The following CTNNA2 variants were observed in gnomAD, a reference collection of about 807,000 sequenced individuals.
CTNNA2 encodes the protein catenin alpha-2.
Under a neutral mutation model 101.0 loss-of-function variants are expected in CTNNA2, and 42 were observed. The ratio of observed to expected loss-of-function variants is 0.42; its 90% confidence interval spans 0.32 to 0.54. CTNNA2 has a LOEUF of 0.54. Ranked by LOEUF, CTNNA2 falls within the 20% of genes least tolerant of loss-of-function variation. The pLI is 0.14. For synonymous variants in CTNNA2, 450 were observed against 456.4 expected (o/e 0.99, Z 0.18); for missense variants, 871 against 1,223.1 (o/e 0.71, Z 4.29).
At chr2:79,605,849 A>T (rs1247682730) in intron 1 of CTNNA2, among the ~76,000 whole-genome samples, 1 of 152,106 alleles carries the variant, frequency 6.6e-6, no homozygotes, top group African/African-American at 2.4e-5. Context: ...GGATAGTTGG[A>T]TCCCATGAGT....
At chr2:79,512,078 G>C (rs911157584), upstream of CTNNA2, among the ~76,000 whole-genome samples, 2 of 152,146 alleles carry the variant, frequency 1.3e-5, no homozygotes, top group Non-Finnish European at 2.9e-5. Flanking sequence ...ATGTAGCTGT[G>C]TACCTTTTTC....
rs573994993 is a variant in CTNNA2 at position 79,346,900 on chromosome 2, G to A, written c.-317-26931G>A. On this transcript the variant is annotated intron_variant, in intron 3 of 21. Coordinates refer to the CTNNA2 transcript ENST00000466387. Reference sequence around the variant, plus strand: ...AAGATGCTTATTTTCATAATGTTTTGCATCTCTCTAGAAAGTTTCTTCAGG... The same window carrying A: ...AAGATGCTTATTTTCATAATGTTTTACATCTCTCTAGAAAGTTTCTTCAGG... Among the ~76,000 whole-genome samples, 226 of 152,220 alleles carry A rather than the reference G, an allele frequency of 1.5e-3. 1 individual carries two copies. In the South Asian group the frequency reaches 0.02, roughly 13 times the overall value.
chr2:79,637,336 C>G (rs1010967220), intron 1 of CTNNA2, among the ~76,000 whole-genome samples: 7 of 151,974 alleles, frequency 4.6e-5, no homozygotes, highest in African/African-American at 1.7e-4. Flanking sequence ...GGATGGGATG[C>G]AGGAAAGAAG....
intron 7 of CTNNA2, among the ~76,000 whole-genome samples, chr2:80,053,977 A>G (rs1199029366): frequency 6.6e-6 from 1 of 152,250 alleles, no homozygotes; most frequent in East Asian, 1.9e-4. Context: ...ACAAGTATTC[A>G]TTTTACAGAG....
chr2:80,096,692 G>T (rs926442047), intron 7 of CTNNA2, among the ~76,000 whole-genome samples: 1 of 152,184 alleles, frequency 6.6e-6, no homozygotes, highest in Non-Finnish European at 1.5e-5. Context: ...GGGTGCTCTT[G>T]TATTGGGTGC....
intron 7 of CTNNA2, among the ~76,000 whole-genome samples, chr2:80,142,554 CA>C (rs1703080475): frequency 6.6e-6 from 1 of 152,184 alleles, no homozygotes; most frequent in Non-Finnish European, 1.5e-5. Flanking sequence ...GGAGATGGAA[CA>C]TTCAGTTTCT....
At chr2:79,557,886 T>G (rs2104105334) in intron 1 of CTNNA2, among the ~76,000 whole-genome samples, 1 of 152,120 alleles carries the variant, frequency 6.6e-6, no homozygotes. Context: ...AAACTTTCAG[T>G]TTAGTAGAAT....
At chr2:79,245,929 T>C (rs945956218) in intron 2 of CTNNA2, among the ~76,000 whole-genome samples, 2 of 152,216 alleles carry the variant, frequency 1.3e-5, no homozygotes, top group Non-Finnish European at 2.9e-5. Context: ...CCTCAAGGCA[T>C]TTTATAGCTC....
intron 3 of CTNNA2, among the ~76,000 whole-genome samples, chr2:79,759,256 G>A (rs1351244100): frequency 1.3e-5 from 2 of 152,060 alleles, no homozygotes; most frequent in East Asian, 1.9e-4. Context: ...AGCCAGGCAC[G>A]ATGATGCGCG....
At chr2:80,623,632 G>A (rs946371213) in intron 18 of CTNNA2, among the ~76,000 whole-genome samples, 12 of 151,908 alleles carry the variant, frequency 7.9e-5, no homozygotes, top group Non-Finnish European at 1.8e-4. Flanking sequence ...TGCCAGCTAA[G>A]CAAGGGGTTT....
At chr2:80,358,097 T>G (rs879744373) in intron 7 of CTNNA2, among the ~76,000 whole-genome samples, 5 of 152,066 alleles carry the variant, frequency 3.3e-5, no homozygotes, top group Admixed American at 1.3e-4. Flanking sequence ...TTTTTGTGCC[T>G]TAGTTTTATC....
At chr2:79,263,940 T>A (rs1329400195) in intron 2 of CTNNA2, among the ~76,000 whole-genome samples, 1 of 152,222 alleles carries the variant, frequency 6.6e-6, no homozygotes, top group African/African-American at 2.4e-5. Flanking sequence ...ATCTATACTT[T>A]TCAAAATCAG....
At chr2:79,583,381 AT>A (rs1411856214) in intron 1 of CTNNA2, among the ~76,000 whole-genome samples, 2 of 150,744 alleles carry the variant, frequency 1.3e-5, no homozygotes, top group Non-Finnish European at 3.0e-5. Flanking sequence ...GGTAGTTGTG[AT>A]TTTTTTTCTT....
At chr2:80,338,113 C>A (rs963574607) in intron 7 of CTNNA2, among the ~76,000 whole-genome samples, 3 of 151,932 alleles carry the variant, frequency 2.0e-5, no homozygotes, top group African/African-American at 7.2e-5. Flanking sequence ...CTCAGCCTCC[C>A]GAGTAGCTGG....
At chr2:79,286,807 G>A (rs1675604788) in intron 2 of CTNNA2, among the ~76,000 whole-genome samples, 1 of 152,048 alleles carries the variant, frequency 6.6e-6, no homozygotes, top group Admixed American at 6.5e-5. Context: ...GGCCTGCCTT[G>A]CTAGATTGGG....
At chr2:79,204,093 T>C (rs1674070791) in intron 2 of CTNNA2, among the ~76,000 whole-genome samples, 1 of 152,210 alleles carries the variant, frequency 6.6e-6, no homozygotes, top group South Asian at 2.1e-4. Context: ...GTAATAATAA[T>C]GGGATTGCAG....
chr2:80,192,558 C>T (rs565533631), intron 7 of CTNNA2, among the ~76,000 whole-genome samples: 17 of 152,100 alleles, frequency 1.1e-4, no homozygotes, highest in African/African-American at 3.9e-4. Context: ...CAGAGTCTTG[C>T]TCTTGTCACC....
At chr2:80,456,798 G>A (rs954706947) in intron 9 of CTNNA2, among the ~76,000 whole-genome samples, 1 of 152,140 alleles carries the variant, frequency 6.6e-6, no homozygotes, top group Non-Finnish European at 1.5e-5. Context: ...CATGCACATG[G>A]AGGTCGAGTA....
At chr2:79,330,071 TGTG>T (rs751722610) in intron 3 of CTNNA2, among the ~76,000 whole-genome samples, 4 of 152,100 alleles carry the variant, frequency 2.6e-5, no homozygotes, top group African/African-American at 4.8e-5. Context: ...AAGTAGTGGT[TGTG>T]GTGGTGTCAT....
Sources: gnomAD v4.1 joint callset for allele counts (sites outside exome capture counted in the v4.1 genomes callset) on GRCh38, gnomAD v4.1.1 for gene constraint, MANE v1.5 for transcripts, NCBI Gene and HGNC (gene_info 2026-07-23, HGNC 2026-07-21) for gene names.